Variants in NAV2 observed in about 807,000 individuals in gnomAD.
The protein encoded by NAV2 is neuron navigator 2.
Under a neutral mutation model 223.2 loss-of-function variants are expected in NAV2, and 54 were observed. That is an observed-to-expected ratio of 0.24 (90% CI 0.19 to 0.30). The LOEUF is 0.30. Ranked by LOEUF, NAV2 falls within the 10% of genes least tolerant of loss-of-function variation. The pLI is 1.00. For synonymous variants in NAV2, 1,279 were observed against 1,239.3 expected (o/e 1.03, Z -0.67); for missense variants, 2,806 against 3,147.5 (o/e 0.89, Z 2.60).
chr11:19,434,876 T>C (rs1225182130), intron 1 of NAV2, among the ~76,000 whole-genome samples: 1 of 151,238 alleles, frequency 6.6e-6, no homozygotes, highest in Non-Finnish European at 1.5e-5. Context: ...CCAAGCTCTT[T>C]TCAGCAAAGA....
At chr11:19,855,225 A>G (rs1156375765) in intron 3 of NAV2, among the ~76,000 whole-genome samples, 1 of 152,200 alleles carries the variant, frequency 6.6e-6, no homozygotes, top group Non-Finnish European at 1.5e-5. Context: ...GAATGCAAAT[A>G]CTAGTTTCTG....
intron 1 of NAV2, among the ~76,000 whole-genome samples, chr11:19,706,705 G>C (rs1024506425): frequency 6.6e-6 from 1 of 152,186 alleles, no homozygotes; most frequent in Non-Finnish European, 1.5e-5. Flanking sequence ...CACATAGATG[G>C]CTTGCAACAA....
intron 1 of NAV2, among the ~76,000 whole-genome samples, chr11:19,800,853 T>C (rs1209865992): frequency 6.6e-6 from 1 of 152,192 alleles, no homozygotes; most frequent in Non-Finnish European, 1.5e-5. Context: ...GTCTGGTCTG[T>C]AGCCTTGGGT....
chr11:19,371,849 C>T (rs1038313138), intron 1 of NAV2, among the ~76,000 whole-genome samples: 12 of 143,986 alleles, frequency 8.3e-5, no homozygotes, highest in Non-Finnish European at 1.6e-4. Flanking sequence ...GCAATCTCGG[C>T]TTACTGCAAC....
At chr11:19,878,319 T>C (rs2062983706) in intron 4 of NAV2, among the ~76,000 whole-genome samples, 1 of 152,228 alleles carries the variant, frequency 6.6e-6, no homozygotes, top group African/African-American at 2.4e-5. Context: ...TCTGGGGCTA[T>C]AGTCATATAA....
intron 8 of NAV2, among the ~76,000 whole-genome samples, chr11:19,945,180 CCCTTCCCTTCCCTTCCCTTCCCTTTCTTT>C (rs2046823545): frequency 2.2e-5 from 2 of 92,950 alleles, no homozygotes; most frequent in African/African-American, 5.1e-5. Context: ...CCCTTCCCTT[CCCTTCCCTTCCCTTCCCTTCCCTTTCTTT>C]CCTTTCCTTC....
chr11:19,982,330 C>T (rs1049521643), intron 10 of NAV2, among the ~76,000 whole-genome samples: 12 of 151,996 alleles, frequency 7.9e-5, no homozygotes, highest in East Asian at 1.9e-4. Context: ...AGCAGTGGCA[C>T]GATCTCGGCT....
intron 1 of NAV2, among the ~76,000 whole-genome samples, chr11:19,651,671 G>A (rs1420101602): frequency 2.0e-5 from 3 of 152,216 alleles, no homozygotes; most frequent in Non-Finnish European, 4.4e-5. Context: ...GTGGGATGAT[G>A]TATGTGAAGC....
chr11:19,906,983 A>C (rs76352702), intron 6 of NAV2, among the ~76,000 whole-genome samples: 2 of 152,152 alleles, frequency 1.3e-5, no homozygotes, highest in Non-Finnish European at 2.9e-5. Flanking sequence ...TGGTCCCAGC[A>C]ACTCTATTTG....
At chr11:19,765,727 C>T (rs567817258) in intron 1 of NAV2, among the ~76,000 whole-genome samples, 174 of 151,922 alleles carry the variant, frequency 1.1e-3, no homozygotes, top group African/African-American at 4.0e-3. Context: ...CTGCTCAGGG[C>T]TTGCACACTC....
chr11:19,476,368 G>T (rs111595337), intron 1 of NAV2, among the ~76,000 whole-genome samples: 21 of 151,966 alleles, frequency 1.4e-4, no homozygotes, highest in African/African-American at 4.4e-4. Context: ...ACCATCAAGA[G>T]ACTTTTTTTT....
chr11:19,435,241 C>T (rs1438763523), intron 1 of NAV2, among the ~76,000 whole-genome samples: 1 of 152,108 alleles, frequency 6.6e-6, no homozygotes, highest in Admixed American at 6.6e-5. Flanking sequence ...CCCACCCCAC[C>T]ACCAGCTTCT....
At chr11:19,922,318 G>T (rs2044350160) in intron 6 of NAV2, among the ~76,000 whole-genome samples, 1 of 151,902 alleles carries the variant, frequency 6.6e-6, no homozygotes, top group South Asian at 2.1e-4. Flanking sequence ...AAGCCACCTT[G>T]TTCAGAAGAG....
At chr11:19,454,055 T>C (rs1165615049) in intron 1 of NAV2, among the ~76,000 whole-genome samples, 2 of 152,168 alleles carry the variant, frequency 1.3e-5, no homozygotes, top group South Asian at 2.1e-4. Context: ...CTGGCTCCAA[T>C]GAAACAATGG....
intron 11 of NAV2, among the ~76,000 whole-genome samples, chr11:19,986,431 C>T (rs2050801420): frequency 6.6e-6 from 1 of 152,148 alleles, no homozygotes; most frequent in Admixed American, 6.5e-5. Context: ...ACCAGCCTGG[C>T]AAACATGATG....
At chr11:19,362,156 C>T (rs1853990179) in intron 1 of NAV2, among the ~76,000 whole-genome samples, 1 of 152,070 alleles carries the variant, frequency 6.6e-6, no homozygotes, top group Non-Finnish European at 1.5e-5. Context: ...ACTATTGTTC[C>T]CACTTTACAG....
At chr11:19,669,400 G>A (rs1217853462) in intron 1 of NAV2, among the ~76,000 whole-genome samples, 1 of 152,212 alleles carries the variant, frequency 6.6e-6, no homozygotes, top group Non-Finnish European at 1.5e-5. Flanking sequence ...CCTGCTATAT[G>A]GGGTTGGGCA....
chr11:19,661,112 C>A (rs928971590), intron 1 of NAV2, among the ~76,000 whole-genome samples: 16 of 152,266 alleles, frequency 1.1e-4, no homozygotes, highest in Admixed American at 1.0e-3. Context: ...GTCGCCCCAG[C>A]TCCCAGCCCC....
intron 11 of NAV2, among the ~76,000 whole-genome samples, chr11:19,985,165 T>G (rs952495050): frequency 1.1e-4 from 16 of 152,224 alleles, no homozygotes; most frequent in African/African-American, 3.4e-4. Context: ...CTTCCTGCTG[T>G]TCCCAGGGCA....
Sources: allele counts gnomAD v4.1 joint callset (sites outside exome capture counted in the v4.1 genomes callset), GRCh38; gene constraint gnomAD v4.1.1; transcripts MANE v1.5; gene names NCBI Gene and HGNC (gene_info 2026-07-23, HGNC 2026-07-21).